FAM110B: variants seen among roughly 807,000 people sequenced by gnomAD.
FAM110B encodes the protein family with sequence similarity 110 member B.
Under a neutral mutation model 20.4 loss-of-function variants are expected in FAM110B, and 6 were observed. The observed-to-expected ratio is 0.29, with a 90% CI of 0.16 to 0.58. The LOEUF (loss-of-function observed/expected upper bound fraction) is 0.58. Among genes scored for constraint, FAM110B ranks in the 20% least tolerant of loss-of-function variants. FAM110B has a pLI of 0.90. For missense variants in FAM110B, 434 were observed against 498.2 expected, an observed-to-expected ratio of 0.87 and a Z score of 1.23; for synonymous variants, 226 against 214.1, an observed-to-expected ratio of 1.06 and a Z score of -0.49.
intron 2 of FAM110B, among the ~76,000 whole-genome samples, chr8:58,041,392 C>T (rs889178561): frequency 6.6e-6 from 1 of 152,180 alleles, no homozygotes; most frequent in African/African-American, 2.4e-5. Flanking sequence ...TCCTATGTTA[C>T]CCTTCTGTCC....
chr8:58,098,334 T>G (rs2150608730), intron 3 of FAM110B, among the ~76,000 whole-genome samples: 1 of 152,320 alleles, frequency 6.6e-6, no homozygotes, highest in South Asian at 2.1e-4. Flanking sequence ...GGCAGCTTTG[T>G]TTATGCTGTG....
intron 1 of FAM110B, among the ~76,000 whole-genome samples, chr8:58,013,849 T>C (rs1387324891): frequency 6.6e-6 from 1 of 152,160 alleles, no homozygotes; most frequent in Non-Finnish European, 1.5e-5. Flanking sequence ...GAAAATAAGG[T>C]CACTTCTCTC....
Position 58,147,426 on chromosome 8 carries a change from G to GC in FAM110B, c.*84dup, listed in dbSNP as rs1563387901. 2.0e-6 allele frequency: 3 copies of GC among 1,467,972 alleles called. No homozygotes were observed. In the African/African-American group the frequency reaches 4.2e-5, roughly 21 times the overall value. 90.9% of individuals were successfully genotyped at this position (1,467,972 alleles called of 1,614,324 possible). On this transcript the variant is annotated 3_prime_UTR_variant, in exon 4 of 4. Transcript: ENST00000519262. ...GTGAGGTCTCCTTGAAGTGTTGTGA[G>GC]CTTCTCCACTCTTTGTGTTGCTTGT...
intron 3 of FAM110B, among the ~76,000 whole-genome samples, chr8:58,131,601 C>A (rs888283372): frequency 6.6e-6 from 1 of 152,240 alleles, no homozygotes; most frequent in Non-Finnish European, 1.5e-5. Context: ...CCCTTCTTAT[C>A]TAAGTCAACA....
At chr8:58,017,166 T>C (rs58313377) in intron 1 of FAM110B, among the ~76,000 whole-genome samples, 4,241 of 152,344 alleles carry the variant, frequency 0.028, 194 homozygotes, top group African/African-American at 0.095. Flanking sequence ...TTGCCCATCA[T>C]GCATGTTTTC....
chr8:58,105,889 G>A (rs528799164), intron 3 of FAM110B, among the ~76,000 whole-genome samples: 3 of 152,176 alleles, frequency 2.0e-5, no homozygotes, highest in South Asian at 4.2e-4. Flanking sequence ...TTTTTAAAAA[G>A]GATAGGTGAT....
chr8:58,080,077 A>G (rs762723869), intron 3 of FAM110B, among the ~76,000 whole-genome samples: 8 of 152,230 alleles, frequency 5.3e-5, no homozygotes, highest in Non-Finnish European at 1.2e-4. Context: ...GATATATGTA[A>G]TATGGGTATC....
At position 58,148,108 on chromosome 8, in the gene FAM110B, T is replaced by A; in HGVS notation, c.*765T>A. 1.2e-5 allele frequency: 2 copies of A among 162,994 alleles called. No homozygotes were observed. 10.1% of individuals were successfully genotyped at this position (162,994 alleles called of 1,614,324 possible). ...TTCCTAATATTATCTTTCGACAGAA[T>A]GACCACCCTAAAACAAATACTGAAT... On this transcript the variant is annotated 3_prime_UTR_variant, in exon 4 of 4. Coordinates refer to ENST00000519262, the MANE Select transcript of FAM110B (RefSeq NM_001377989.1).
At chr8:58,106,941 C>A (rs552369608) in intron 3 of FAM110B, among the ~76,000 whole-genome samples, 5 of 152,132 alleles carry the variant, frequency 3.3e-5, no homozygotes, top group African/African-American at 9.7e-5. Flanking sequence ...CGAGTTTTAA[C>A]GCTTTGACAA....
intron 3 of FAM110B, among the ~76,000 whole-genome samples, chr8:58,115,264 T>TA (rs1357909053): frequency 1.3e-5 from 2 of 152,178 alleles, no homozygotes; most frequent in African/African-American, 4.8e-5. Context: ...ATACTATTAA[T>TA]ACACCATCTT....
At chr8:58,118,233 C>G (rs1211828333) in intron 3 of FAM110B, among the ~76,000 whole-genome samples, 1 of 152,204 alleles carries the variant, frequency 6.6e-6, no homozygotes, top group Non-Finnish European at 1.5e-5. Context: ...TGTGACATTA[C>G]TTTCCAGACA....
At chr8:58,092,411 A>G (rs1437513748) in intron 3 of FAM110B, among the ~76,000 whole-genome samples, 13 of 151,950 alleles carry the variant, frequency 8.6e-5, no homozygotes, top group Admixed American at 8.5e-4. Flanking sequence ...CTACCCCCCG[A>G]CAGGCCATGG....
chr8:58,085,633 T>C (rs2150600029), intron 3 of FAM110B, among the ~76,000 whole-genome samples: 1 of 152,374 alleles, frequency 6.6e-6, no homozygotes, highest in South Asian at 2.1e-4. Flanking sequence ...CATTCATTTT[T>C]AGAGTATAAG....
intron 1 of FAM110B, among the ~76,000 whole-genome samples, chr8:58,003,369 T>C (rs1338233162): frequency 6.6e-6 from 1 of 152,188 alleles, no homozygotes; most frequent in African/African-American, 2.4e-5. Flanking sequence ...CTGTTAATGT[T>C]AATATTTTGA....
intron 3 of FAM110B, among the ~76,000 whole-genome samples, chr8:58,110,084 A>G (rs1040859705): frequency 1.3e-5 from 2 of 152,224 alleles, no homozygotes; most frequent in African/African-American, 4.8e-5. Context: ...TGAAGCTTCC[A>G]TCCAAAAGAA....
At chr8:57,994,899 T>TA (rs1804148296) in intron 1 of FAM110B, 93 bp downstream of exon 1, 1 of 151,880 alleles carries the variant, frequency 6.6e-6, no homozygotes, top group Non-Finnish European at 1.5e-5. Context: ...CTGCGGACAA[T>TA]GCGGGAGCTG....
At chr8:58,114,292 A>C (rs1176126139) in intron 3 of FAM110B, among the ~76,000 whole-genome samples, 1 of 152,220 alleles carries the variant, frequency 6.6e-6, no homozygotes, top group East Asian at 1.9e-4. Flanking sequence ...TCGATAGTCT[A>C]ATAGATTTAT....
At chr8:58,037,323 GTTTGTTTT>G (rs1056668109) in intron 2 of FAM110B, among the ~76,000 whole-genome samples, 27 of 151,622 alleles carry the variant, frequency 1.8e-4, no homozygotes, top group Middle Eastern at 6.8e-3. Flanking sequence ...TTGTTTGTTT[GTTTGTTTT>G]TTTAATTAAA....
At chr8:58,100,012 C>T (rs1806737248) in intron 3 of FAM110B, among the ~76,000 whole-genome samples, 1 of 152,052 alleles carries the variant, frequency 6.6e-6, no homozygotes, top group Non-Finnish European at 1.5e-5. Context: ...CTCTTTCTGC[C>T]TCCTCCCAAG....
Sources: allele counts gnomAD v4.1 joint callset (sites outside exome capture counted in the v4.1 genomes callset), GRCh38; gene constraint gnomAD v4.1.1; transcripts MANE v1.5; gene names NCBI Gene and HGNC (gene_info 2026-07-23, HGNC 2026-07-21).